The following AOX1 variants were observed in gnomAD, a reference collection of about 807,000 sequenced individuals.
AOX1 encodes the protein aldehyde oxidase 1, also known as aldehyde oxidase.
AOX1 carries 153 observed loss-of-function variants against 169.5 expected under a neutral mutation model. The ratio of observed to expected loss-of-function variants is 0.90; its 90% CI spans 0.79 to 1.03. AOX1 has a LOEUF of 1.03. Ranked by LOEUF, AOX1 falls within the 50% of genes least tolerant of loss-of-function variation. The pLI is 0.00. For synonymous variants in AOX1, 562 were observed against 581.9 expected, an observed-to-expected ratio of 0.97 and a Z score of 0.49; for missense variants, 1,656 against 1,663.9, an observed-to-expected ratio of 1.00 and a Z score of 0.08.
chr2:200,603,144 C>T (rs563082016), intron 6 of AOX1, 123 bp from the exon 7 acceptor site: 4 of 753,754 alleles, frequency 5.3e-6, no homozygotes, highest in Admixed American at 5.3e-5. Context: ...GTACAAATGG[C>T]TCTCTTTCAT....
At chr2:200,605,394 A>G in intron 9 of AOX1, 142 bp from the exon 10 acceptor site, 1 of 424,428 alleles carries the variant, frequency 2.4e-6, no homozygotes. Context: ...TCTGTATGTG[A>G]TTTGGCAATA....
chr2:200,634,135 T>G (rs902141953), intron 20 of AOX1, among the ~76,000 whole-genome samples: 1 of 151,000 alleles, frequency 6.6e-6, no homozygotes, highest in Non-Finnish European at 1.5e-5. Context: ...TCTGGTCCTT[T>G]GGCTAGGGAG....
chr2:200,677,211 G>A, downstream of AOX1: 1 of 224,896 alleles, frequency 4.4e-6, no homozygotes, highest in Non-Finnish European at 9.0e-6. Flanking sequence ...GGGAAGGGGA[G>A]GAGAGAAGGA....
chr2:200,679,816 G>A (rs1014588278), downstream of AOX1, among the ~76,000 whole-genome samples: 2 of 152,174 alleles, frequency 1.3e-5, no homozygotes, highest in African/African-American at 2.4e-5. Context: ...GCACAGTGGT[G>A]CACACCTGTA....
At chr2:200,598,612 G>A (rs2034338802) in intron 4 of AOX1, among the ~76,000 whole-genome samples, 1 of 151,456 alleles carries the variant, frequency 6.6e-6, no homozygotes, top group South Asian at 2.1e-4. Context: ...GCATGGTGGT[G>A]CATACCTGTA....
rs1443319703 is a variant in AOX1 at position 200,599,695 on chromosome 2, C to T, written c.385C>T (p.Leu129Phe). The change falls in exon 5 of 35, where the codon CTC (leucine) becomes TTC (phenylalanine). Residue 129 changes from leucine to phenylalanine, a missense_variant. By Grantham distance (22) the Leu-to-Phe change is conservative. Coordinates refer to ENST00000374700, the MANE Select transcript of AOX1 (RefSeq NM_001159.4). The part of the protein sequence containing the change: ...PGMVMSIYTL[L>F]RNHPEPTLDQ... ...GATGGTGATGTCCATCTACACGCTG[C>T]TCAGGAACCACCCAGAGCCCACTCT... is the stretch of plus-strand genomic sequence containing the variant. 6 of 1,613,040 alleles carry T rather than the reference C, an allele frequency of 3.7e-6. No individual in the cohort carries two copies. The highest frequency in any genetic ancestry group is 1.1e-5 in the South Asian group (1 of 90,988).
rs2035752307 is a variant in AOX1 at position 200,659,054 on chromosome 2, C to T, written c.3172-111C>T. The T allele has an allele frequency of 2.9e-6, 3 of 1,043,588 alleles. No homozygotes were observed. In the African/African-American group the frequency reaches 5.0e-5, roughly 17 times the overall value. The allele number at this position is 1,043,588 out of a possible 1,614,324, so 64.6% of individuals were successfully genotyped here. A position where few individuals can be genotyped will look rare whatever the true frequency, so the allele number is the denominator to read the frequency against. On this transcript the variant is annotated intron_variant, in intron 27 of 34. Transcript: ENST00000374700. The stretch of plus-strand genomic sequence containing the variant: ...CTGGAGGAATTTGTGGTTCTGCTCC[C>T]TTGTCCCTGTCATGGGTATGAGGGT...
chr2:200,621,282 T>A, intron 18 of AOX1, 36 bp downstream of exon 18: 1 of 1,606,634 alleles, frequency 6.2e-7, no homozygotes, highest in Non-Finnish European at 8.5e-7. Context: ...AAAAATAACT[T>A]TCTCAGTTAA....
At chr2:200,663,101 A>T in intron 31 of AOX1, 132 bp downstream of exon 31, 2 of 651,394 alleles carry the variant, frequency 3.1e-6, no homozygotes, top group Non-Finnish European at 5.4e-6. Flanking sequence ...TCCCTGGATT[A>T]CCAGAAGAAA....
intron 29 of AOX1, among the ~76,000 whole-genome samples, 169 bp from the exon 30 acceptor site, chr2:200,661,410 G>A (rs1456337499): frequency 2.6e-5 from 4 of 152,208 alleles, no homozygotes; most frequent in Non-Finnish European, 4.4e-5. Flanking sequence ...ACAGCTACAA[G>A]CCGTGAACCA....
chr2:200,657,172 A>G lies in AOX1; in HGVS notation c.3171+235A>G, dbSNP rs554240541. Among the ~76,000 whole-genome samples the G allele has an allele frequency of 3.3e-3, 239 of 71,358 alleles. 14 individuals are homozygous for G. Among genetic ancestry groups the G allele is most frequent in the African/African-American group, 0.011 (218 of 19,152 alleles). 46.8% of individuals were successfully genotyped at this position (71,358 alleles called of 152,430 possible). On this transcript the variant is annotated intron_variant, in intron 27 of 34. Coordinates refer to ENST00000374700, the MANE Select transcript of AOX1 (RefSeq NM_001159.4). Reference sequence around the variant, plus strand: ...GATTCCATCTCTACCAAAAATATATATATATATATATATATATATTTTTTT... The same window carrying G: ...GATTCCATCTCTACCAAAAATATATGTATATATATATATATATATTTTTTT...
chr2:200,630,210 T>TAAAAAAAAAAAAAA (rs57410809), intron 20 of AOX1, among the ~76,000 whole-genome samples: 3 of 95,528 alleles, frequency 3.1e-5, no homozygotes, highest in African/African-American at 1.4e-4. Flanking sequence ...TCCTTCTATT[T>TAAAAAAAAAAAAAA]AAAAAAAAAA....
In AOX1 at chr2:200,641,115, T is replaced by C. The variant is rs201366314; in HGVS notation, c.2586T>C (p.Asp862=). 2.5e-6 allele frequency: 4 copies of C among 1,613,354 alleles called. No homozygotes were observed. Among genetic ancestry groups the C allele is most frequent in the Non-Finnish European group, 3.4e-6 (4 of 1,179,392 alleles). ...LGKYKAGFMN[D]GRILALDMEH... The stretch of plus-strand genomic sequence containing the variant: ...TTCCCCAGGCTGGATTCATGAACGA[T>C]GGCAGAATCTTGGCCCTGGACATGG... Residue 862 remains aspartate (D), a synonymous_variant, in exon 24 of 35, where the codon GAT becomes GAC. Transcript: ENST00000374700.
At position 200,608,138 on chromosome 2, in the gene AOX1, A is replaced by G. The variant is rs115220522; in HGVS notation, c.908-846A>G. On this transcript the variant is annotated intron_variant, in intron 10 of 34. Transcript: ENST00000374700. ...ATCCTAGAACTTAAAGTAAAATAAA[A>G]GAAAAAGAAAATGGGGACAGAAAGC... 2.4e-3 allele frequency among the ~76,000 whole-genome samples: 372 copies of G among 152,330 alleles called. 4 individuals are homozygous for G. The highest frequency in any genetic ancestry group is 8.6e-3 in the African/African-American group (356 of 41,572).
In AOX1 at chr2:200,586,087, T is replaced by A; in HGVS notation, c.-22T>A. ...AACCTCCGCCTCCCGCTCCGGGCCC[T>A]CGAACCAGCGCGGACACCACAATGG... On this transcript the variant is annotated 5_prime_UTR_variant, in exon 1 of 35. Coordinates refer to ENST00000374700, the MANE Select transcript of AOX1 (RefSeq NM_001159.4). 6.4e-7 allele frequency: 1 copy of A among 1,552,100 alleles called. No homozygotes were observed. The highest frequency in any genetic ancestry group is 8.7e-7 in the Non-Finnish European group (1 of 1,148,984).
intron 13 of AOX1, 140 bp downstream of exon 13, chr2:200,611,633 C>G: frequency 1.6e-6 from 1 of 614,136 alleles, no homozygotes; most frequent in Non-Finnish European, 2.9e-6. Flanking sequence ...GGTATGAGGT[C>G]ATTATTTTAA....
At chr2:200,606,673 A>T (rs1437031414) in intron 10 of AOX1, among the ~76,000 whole-genome samples, 3 of 152,120 alleles carry the variant, frequency 2.0e-5, no homozygotes, top group Admixed American at 2.0e-4. Flanking sequence ...AGTGGTTGGT[A>T]GTTCTTCCTG....
At chr2:200,601,072 G>GTTTTTTT (rs1559232680) in intron 5 of AOX1, among the ~76,000 whole-genome samples, 1 of 58,526 alleles carries the variant, frequency 1.7e-5, no homozygotes, top group Non-Finnish European at 3.7e-5. Context: ...AGCTTAGAGT[G>GTTTTTTT]CTTTTTTTTT....
intron 26 of AOX1, among the ~76,000 whole-genome samples, chr2:200,654,453 T>C (rs925187711): frequency 1.3e-5 from 2 of 152,212 alleles, no homozygotes; most frequent in Non-Finnish European, 2.9e-5. Context: ...TAGAGTACAG[T>C]GTAGCATAAA....
Sources: gnomAD v4.1 joint callset for allele counts (sites outside exome capture counted in the v4.1 genomes callset) on GRCh38, gnomAD v4.1.1 for gene constraint, MANE v1.5 for transcripts, NCBI Gene and HGNC (gene_info 2026-07-23, HGNC 2026-07-21) for gene names.